CIRBP: variants seen among roughly 807,000 people sequenced by gnomAD.
The protein encoded by CIRBP is cold-inducible RNA-binding protein.
CIRBP carries 11 observed loss-of-function variants against 22.3 expected under a neutral mutation model. The observed-to-expected ratio is 0.49, with a 90% CI of 0.31 to 0.82. The LOEUF (loss-of-function observed/expected upper bound fraction) is 0.82, where lower values mean the gene tolerates loss of function less well. Ranked by LOEUF, CIRBP falls within the 40% of genes least tolerant of loss-of-function variation. The pLI is 0.05. For synonymous variants in CIRBP, 216 were observed against 158.8 expected, an observed-to-expected ratio of 1.36 and a Z score of -2.71; for missense variants, 456 against 402.7, an observed-to-expected ratio of 1.13 and a Z score of -1.13.
In CIRBP at chr19:1,273,160, C is replaced by G. The variant is rs562490573; in HGVS notation, c.*717C>G. ...GGCTTTACGAAGCCGATTAAAAGAC[C>G]GTGTGAAATGAACCTTGCTCTGACA... On this transcript the variant is annotated 3_prime_UTR_variant, in exon 6 of 6. Coordinates refer to ENST00000587896, the MANE Select transcript of CIRBP (RefSeq NM_001300829.2). 1.3e-5 allele frequency: 2 copies of G among 152,242 alleles called. No homozygotes were observed. The highest frequency in any genetic ancestry group is 1.5e-5 in the Non-Finnish European group (1 of 68,060). 9.4% of individuals were successfully genotyped at this position (152,242 alleles called of 1,614,324 possible).
Position 1,272,830 on chromosome 19 carries a change from C to CT in CIRBP, c.*388dup. On this transcript the variant is annotated 3_prime_UTR_variant, in exon 6 of 6. Coordinates refer to ENST00000587896, the MANE Select transcript of CIRBP (RefSeq NM_001300829.2). ...TGAAGTGGGTGCCCCACTCACTTCTCTGAGATCGAACGGACTGTGAATCCG... is the reference window on the plus strand; with the variant it reads ...TGAAGTGGGTGCCCCACTCACTTCTCTTGAGATCGAACGGACTGTGAATCCG... 1 of 166,784 alleles carries CT rather than the reference C, an allele frequency of 6.0e-6. No homozygotes were observed. The highest frequency in any genetic ancestry group is 1.8e-4 in the East Asian group (1 of 5,618). The allele number at this position is 166,784 out of a possible 1,614,324, so 10.3% of individuals were successfully genotyped here.
Position 1,271,424 on chromosome 19 carries a change from C to T in CIRBP, c.306C>T (p.Gly102=). ...GYRGGSAGGR[G]FFRGGRGRGR... is the part of the protein sequence containing the mutation. The stretch of plus-strand genomic sequence containing the variant: ...GTGGTGGCTCTGCCGGGGGCCGGGG[C>T]TTCTTCCGTGGGGGCCGAGGACGGG... The change falls in exon 4 of 6, where the codon GGC becomes GGT. Residue 102 remains glycine, a synonymous_variant. Coordinates refer to ENST00000587896, the MANE Select transcript of CIRBP (RefSeq NM_001300829.2). 2 of 1,613,164 alleles carry T rather than the reference C, an allele frequency of 1.2e-6. No individual in the cohort carries two copies. The highest frequency in any genetic ancestry group is 1.7e-6 in the Non-Finnish European group (2 of 1,179,660).
At position 1,274,655 on chromosome 19, in the gene CIRBP, C is replaced by T. The variant is rs1212368765; in HGVS notation, c.*2212C>T. ...CCCTTCCTCCTCCTTCCAGGAGGCG[C>T]TTCGCCAGTGAGGTGCGGGCTCAGG... On this transcript the variant is annotated 3_prime_UTR_variant, in exon 6 of 6. Coordinates refer to ENST00000587896, the MANE Select transcript of CIRBP (RefSeq NM_001300829.2). The T allele has an allele frequency of 9.0e-6, 2 of 223,434 alleles. No individual in the cohort carries two copies. The highest frequency in any genetic ancestry group is 1.8e-4 in the South Asian group (1 of 5,436). 13.8% of individuals were successfully genotyped at this position (223,434 alleles called of 1,614,324 possible). A position where few individuals can be genotyped will look rare whatever the true frequency, so the allele number is the denominator to read the frequency against.
In CIRBP at chr19:1,272,249, G is replaced by A; in HGVS notation, c.700G>A (p.Gly234Arg). 1 of 1,606,644 alleles carries A rather than the reference G, an allele frequency of 6.2e-7. No homozygotes were observed. ...AAATGAGACTGACCAAAAAGGCAAG[G>A]GAGAGCGAGGGCCCGCTGGGCAGTC... Reference protein sequence around the residue: ...KPNETDQKGKGERGPAGQSAR... With the variant: ...KPNETDQKGKRERGPAGQSAR... Residue 234 changes from glycine (G) to arginine (R), a missense_variant, in exon 6 of 6, where the codon GGA becomes AGA. This residue lies in a region of CIRBP where 426 missense variants were observed against 339.6 expected (regional missense o/e 1.25). Coordinates refer to ENST00000587896, the MANE Select transcript of CIRBP (RefSeq NM_001300829.2).
chr19:1,269,604 G>A (rs974002334), intron 1 of CIRBP, among the ~76,000 whole-genome samples, 194 bp downstream of exon 1: 12 of 151,730 alleles, frequency 7.9e-5, no homozygotes, highest in African/African-American at 2.7e-4. Flanking sequence ...GCCGGTCCGG[G>A]CCGCCGGCGA....
chr19:1,271,726 G>A (rs1281888475), intron 5 of CIRBP, 94 bp downstream of exon 5: 2 of 851,656 alleles, frequency 2.3e-6, no homozygotes, highest in Admixed American at 2.9e-5. Flanking sequence ...AGATGAGACT[G>A]GCTGGGCAAG....
At position 1,273,228 on chromosome 19, in the gene CIRBP, G is replaced by A. The variant is rs2081371752; in HGVS notation, c.*785G>A. On this transcript the variant is annotated 3_prime_UTR_variant, in exon 6 of 6. Transcript: ENST00000587896. ...CACACACTCCTTGCTGCGGGCTCCT[G>A]CAGCCAGACCTGAGCAGAGAGAGAA... 6.6e-6 allele frequency: 1 copy of A among 152,222 alleles called. No individual in the cohort carries two copies. The allele number at this position is 152,222 out of a possible 1,614,324, so 9.4% of individuals were successfully genotyped here. A position where few individuals can be genotyped will look rare whatever the true frequency, so the allele number is the denominator to read the frequency against.
Position 1,272,472 on chromosome 19 carries a change from C to A in CIRBP, c.*29C>A. 6.7e-7 allele frequency: 1 copy of A among 1,494,296 alleles called. No homozygotes were observed. Among genetic ancestry groups the A allele is most frequent in the Non-Finnish European group, 9.0e-7 (1 of 1,111,358 alleles). 92.6% of individuals were successfully genotyped at this position (1,494,296 alleles called of 1,614,324 possible). On this transcript the variant is annotated 3_prime_UTR_variant, in exon 6 of 6. Transcript: ENST00000587896. ...CCCTTCCTGCTCAAGATCGTCCTTC[C>A]AATGGCTGTGTGTTTAAAGATTGTG...
At chr19:1,269,734 C>T (rs1600013799) in intron 1 of CIRBP, 2 of 370,778 alleles carry the variant, frequency 5.4e-6, no homozygotes, top group South Asian at 2.0e-5. Flanking sequence ...GCGCACGCGG[C>T]GGGGGCGGGG....
At chr19:1,269,627 C>A (rs1222005103) in intron 1 of CIRBP, among the ~76,000 whole-genome samples, 1 of 151,874 alleles carries the variant, frequency 6.6e-6, no homozygotes, top group East Asian at 1.9e-4. Context: ...CGGTTGCCGC[C>A]GCAAAATGGC....
At chr19:1,271,818 A>G in intron 5 of CIRBP, 163 bp from the exon 6 acceptor site, 2 of 724,414 alleles carry the variant, frequency 2.8e-6, no homozygotes, top group Non-Finnish European at 4.6e-6. Flanking sequence ...CCTGGGGGAC[A>G]GGCTGGTGGA....
chr19:1,269,702 G>T (rs1016218423), intron 1 of CIRBP: 5 of 349,260 alleles, frequency 1.4e-5, no homozygotes, highest in South Asian at 4.2e-5. Context: ...ATGGAGTGGC[G>T]CAGGGTGCGC....
Position 1,274,722 on chromosome 19 carries a change from A to T in CIRBP, c.*2279A>T, listed in dbSNP as rs988992337. On this transcript the variant is annotated 3_prime_UTR_variant, in exon 6 of 6. Transcript: ENST00000587896. ...GGAGCACGGGCTGCGGTGCGCCGGCAGCTTACGGGGCGGCCAGTCCTTGCC... is the reference window on the plus strand; with the variant it reads ...GGAGCACGGGCTGCGGTGCGCCGGCTGCTTACGGGGCGGCCAGTCCTTGCC... The T allele has an allele frequency of 1.2e-5, 2 of 166,594 alleles. No individual in the cohort carries two copies. The highest frequency in any genetic ancestry group is 2.4e-5 in the African/African-American group (1 of 42,000). 10.3% of individuals were successfully genotyped at this position (166,594 alleles called of 1,614,324 possible).
At position 1,272,113 on chromosome 19, in the gene CIRBP, G is replaced by T. The variant is rs1053681916; in HGVS notation, c.564G>T (p.Leu188Phe). ...CTGCGGTGGGAGCTCGGTTCACCTTGGTGCCCTCTCCAAGCACTTTAGGCT... is the reference window on the plus strand; with the variant it reads ...CTGCGGTGGGAGCTCGGTTCACCTTTGTGCCCTCTCCAAGCACTTTAGGCT... Reference protein sequence around the residue: ...LWPAVGARFTLVPSPSTLGWT... With the variant: ...LWPAVGARFTFVPSPSTLGWT... Residue 188 changes from leucine (L) to phenylalanine (F), a missense_variant, in exon 6 of 6, where the codon TTG (leucine) becomes TTT (phenylalanine). Leu to Phe is a conservative substitution (Grantham distance 22). This residue lies in a region of CIRBP where 426 missense variants were observed against 339.6 expected (regional missense o/e 1.25). Coordinates refer to ENST00000587896, the MANE Select transcript of CIRBP (RefSeq NM_001300829.2). 1.2e-6 allele frequency: 2 copies of T among 1,613,682 alleles called. No homozygotes were observed. Among genetic ancestry groups the T allele is most frequent in the African/African-American group, 2.7e-5 (2 of 74,922 alleles).
chr19:1,274,556 GT>G lies in CIRBP; in HGVS notation c.*2114del. ...ATGGCCCCATGGCGGGCGCCTTTCG[GT>G]GTGTGTTGGGTGCAGGGCAGCGCCT... On this transcript the variant is annotated 3_prime_UTR_variant, in exon 6 of 6. Coordinates refer to ENST00000587896, the MANE Select transcript of CIRBP (RefSeq NM_001300829.2). 2.8e-6 allele frequency: 1 copy of G among 361,262 alleles called. No individual in the cohort carries two copies. The highest frequency in any genetic ancestry group is 4.9e-6 in the Non-Finnish European group (1 of 202,704). 22.4% of individuals were successfully genotyped at this position (361,262 alleles called of 1,614,324 possible).
chr19:1,271,550 G>C lies in CIRBP; in HGVS notation c.350-1G>C, dbSNP rs1321122914. ...GTACTCACTTTTTCCTGTATGTGCA[G>C]GAGGAGGGGACCGAGGCTATGGGGG... is the stretch of plus-strand genomic sequence containing the variant. On this transcript the variant is annotated splice_acceptor_variant, in intron 4 of 5. Coordinates refer to ENST00000587896, the MANE Select transcript of CIRBP (RefSeq NM_001300829.2). LOFTEE classifies it high-confidence loss of function. 1.3e-6 allele frequency: 2 copies of C among 1,590,806 alleles called. No individual in the cohort carries two copies. The highest frequency in any genetic ancestry group is 1.7e-6 in the Non-Finnish European group (2 of 1,169,196).
At position 1,272,197 on chromosome 19, in the gene CIRBP, C is replaced by T. The variant is rs267605288; in HGVS notation, c.648C>T (p.Ser216=). The T allele has an allele frequency of 5.0e-6, 8 of 1,595,108 alleles. No homozygotes were observed. The highest frequency in any genetic ancestry group is 1.7e-4 in the Middle Eastern group (1 of 6,046). Residue 216 remains serine, a synonymous_variant, in exon 6 of 6, where the codon AGC becomes AGT. Transcript: ENST00000587896. ...AAGAGGCGCATCTGTCCTCTCAGAGCCATTTCTATCGCAGGACGCAAAAGC... is the reference window on the plus strand; with the variant it reads ...AAGAGGCGCATCTGTCCTCTCAGAGTCATTTCTATCGCAGGACGCAAAAGC... The part of the protein sequence containing the change: ...CPEEAHLSSQ[S]HFYRRTQKPN...
Position 1,273,774 on chromosome 19 carries a change from G to GC in CIRBP, c.*1334dup, listed in dbSNP as rs2081379773. On this transcript the variant is annotated 3_prime_UTR_variant, in exon 6 of 6. Transcript: ENST00000587896. ...GTTGAGAGCTCACTGAAAGTCATGT[G>GC]CCCGGGGAATGTTCCTGTGACTGTT... 1 of 152,172 alleles carries GC rather than the reference G, an allele frequency of 6.6e-6. No homozygotes were observed. Among genetic ancestry groups the GC allele is most frequent in the Non-Finnish European group, 1.5e-5 (1 of 68,098 alleles). The allele number at this position is 152,172 out of a possible 1,614,324, so 9.4% of individuals were successfully genotyped here.
Position 1,274,268 on chromosome 19 carries a change from G to T in CIRBP, c.*1825G>T. On this transcript the variant is annotated 3_prime_UTR_variant, in exon 6 of 6. Transcript: ENST00000587896. ...GCCGGGAGGGGCAGCTGTGAGCCCT[G>T]TGGAGGACGTTGGGAGTAACGCTGC... is the stretch of plus-strand genomic sequence containing the variant. 2.5e-6 allele frequency: 1 copy of T among 401,314 alleles called. No homozygotes were observed. The highest frequency in any genetic ancestry group is 4.4e-6 in the Non-Finnish European group (1 of 226,376). The allele number at this position is 401,314 out of a possible 1,614,324, so 24.9% of individuals were successfully genotyped here. A position where few individuals can be genotyped will look rare whatever the true frequency, so the allele number is the denominator to read the frequency against.
Sources: gnomAD v4.1 joint callset for allele counts (sites outside exome capture counted in the v4.1 genomes callset) on GRCh38, gnomAD v4.1.1 for gene constraint, gnomAD v4.1.1 regional missense constraint, MANE v1.5 for transcripts, NCBI Gene and HGNC (gene_info 2026-07-23, HGNC 2026-07-21) for gene names.